ZMYM2: variants seen among roughly 807,000 people sequenced by gnomAD.
The protein encoded by ZMYM2 is zinc finger MYM-type containing 2.
In ZMYM2, 56 loss-of-function variants were observed where a neutral mutation model predicts 162.8. The observed-to-expected ratio is 0.34, with a 90% CI of 0.28 to 0.43. ZMYM2 has a LOEUF of 0.43. ZMYM2 is among the 20% of genes least tolerant of loss of function. The pLI is 1.00. For missense variants in ZMYM2, 1,275 were observed against 1,621.8 expected (o/e 0.79, Z 3.67); for synonymous variants, 510 against 541.6 (o/e 0.94, Z 0.81).
chr13:19,912,865 G>A, the ZMYM2 span, among the ~76,000 whole-genome samples: 1 of 152,158 alleles, frequency 6.6e-6, no homozygotes, highest in Non-Finnish European at 1.5e-5. Context: ...TCTCTTCTAA[G>A]GTGAAGGATA....
chr13:19,953,228 C>G, the ZMYM2 span, among the ~76,000 whole-genome samples: 67 of 152,280 alleles, frequency 4.4e-4, no homozygotes, highest in African/African-American at 1.6e-3. Flanking sequence ...AGTCACAAAG[C>G]TAACAAGTAG....
At chr13:19,954,126 A>ATTTTTTTTTTTT (rs781288600), upstream of ZMYM2, among the ~76,000 whole-genome samples, 19 of 64,878 alleles carry the variant, frequency 2.9e-4, 5 homozygotes, top group Non-Finnish European at 4.7e-4. Flanking sequence ...GCTATGTTTA[A>ATTTTTTTTTTTT]TTTTTTTTTT....
At chr13:20,073,653 T>C (rs1179472334) in intron 21 of ZMYM2, among the ~76,000 whole-genome samples, 3 of 152,228 alleles carry the variant, frequency 2.0e-5, no homozygotes, top group Admixed American at 6.5e-5. Context: ...CGAATTTTTA[T>C]ATGTTGTGTT....
At chr13:19,885,854 A>AT in the ZMYM2 span, among the ~76,000 whole-genome samples, 44 of 40,254 alleles carry the variant, frequency 1.1e-3, 1 homozygote, top group East Asian at 0.044. Flanking sequence ...TCTCAAAAAA[A>AT]AAAAAAAAAT....
At chr13:19,885,947 A>ATACACATATATGTGTG in the ZMYM2 span, among the ~76,000 whole-genome samples, 38 of 20,868 alleles carry the variant, frequency 1.8e-3, 8 homozygotes, top group African/African-American at 4.2e-3. Context: ...ATATATATGT[A>ATACACATATATGTGTG]TATACACATA....
the ZMYM2 span, among the ~76,000 whole-genome samples, chr13:19,919,839 C>T: frequency 1.3e-5 from 2 of 151,838 alleles, no homozygotes; most frequent in South Asian, 2.1e-4. Context: ...CACACCTGGC[C>T]GATTTTTGTA....
rs367780861 is a variant in ZMYM2 at position 19,993,137 on chromosome 13, C to T, written c.65C>T (p.Thr22Met). The change falls in exon 3 of 25, where the codon ACG (threonine) becomes ATG (methionine). Residue 22 changes from threonine (T) to methionine (M), a missense_variant. Coordinates refer to ENST00000610343, the MANE Select transcript of ZMYM2 (RefSeq NM_197968.4). ...CAGACTCCTGTTTTATTAGGGAGTACGGCCATGGCAACTAGTCTCACGAAT... is the reference window on the plus strand; with the variant it reads ...CAGACTCCTGTTTTATTAGGGAGTATGGCCATGGCAACTAGTCTCACGAAT... ...TDQTPVLLGS[T>M]AMATSLTNVG... 5.2e-5 allele frequency: 84 copies of T among 1,613,878 alleles called. No homozygotes were observed. Among genetic ancestry groups the T allele is most frequent in the Non-Finnish European group, 6.6e-5 (78 of 1,179,974 alleles).
chr13:20,067,145 T>G, intron 20 of ZMYM2, 94 bp from the exon 21 acceptor site: 1 of 1,387,104 alleles, frequency 7.2e-7, no homozygotes, highest in Non-Finnish European at 9.6e-7. Context: ...TTTATTTTAC[T>G]TCAGAGCTCT....
At chr13:19,921,879 C>T in the ZMYM2 span, among the ~76,000 whole-genome samples, 11 of 151,658 alleles carry the variant, frequency 7.3e-5, no homozygotes, top group African/African-American at 1.2e-4. Flanking sequence ...AAGTTGCTTT[C>T]GACACACACG....
the ZMYM2 span, among the ~76,000 whole-genome samples, chr13:19,885,577 C>T: frequency 1.6e-4 from 24 of 152,180 alleles, no homozygotes; most frequent in Middle Eastern, 3.4e-3. Context: ...CAGTGGCTCA[C>T]GCCTATAATC....
At chr13:20,078,534 T>G (rs1281846810) in intron 21 of ZMYM2, among the ~76,000 whole-genome samples, 4 of 152,206 alleles carry the variant, frequency 2.6e-5, no homozygotes, top group African/African-American at 7.2e-5. Flanking sequence ...TACATGCTTT[T>G]CAACTCTCTG....
the ZMYM2 span, among the ~76,000 whole-genome samples, chr13:19,903,035 A>G: frequency 6.6e-6 from 1 of 151,978 alleles, no homozygotes; most frequent in Admixed American, 6.6e-5. Flanking sequence ...GCACGCCTGT[A>G]ATTCCAGCTA....
the ZMYM2 span, among the ~76,000 whole-genome samples, chr13:19,931,781 AC>A: frequency 6.6e-6 from 1 of 152,096 alleles, no homozygotes; most frequent in Non-Finnish European, 1.5e-5. Flanking sequence ...ACGCCAAAAT[AC>A]CTGGCTAATT....
chr13:19,924,226 T>C, the ZMYM2 span, among the ~76,000 whole-genome samples: 5 of 152,322 alleles, frequency 3.3e-5, no homozygotes, highest in East Asian at 1.9e-4. Flanking sequence ...TCTCTTTCTA[T>C]GAATTTGACT....
chr13:19,976,605 C>A (rs1212151110), intron 2 of ZMYM2, among the ~76,000 whole-genome samples: 1 of 152,154 alleles, frequency 6.6e-6, no homozygotes, highest in Non-Finnish European at 1.5e-5. Flanking sequence ...CACCATTTTA[C>A]TTTCTGTTTA....
the ZMYM2 span, among the ~76,000 whole-genome samples, chr13:19,866,826 C>G: frequency 6.6e-6 from 1 of 151,636 alleles, no homozygotes; most frequent in African/African-American, 2.4e-5. Flanking sequence ...CCCAGGAGGT[C>G]AAAGCTGCAG....
At chr13:20,032,287 G>A (rs761268482) in intron 10 of ZMYM2, among the ~76,000 whole-genome samples, 26 of 151,924 alleles carry the variant, frequency 1.7e-4, no homozygotes, top group Non-Finnish European at 3.4e-4. Flanking sequence ...TAGCAATAAC[G>A]CTGATGATTG....
intron 7 of ZMYM2, among the ~76,000 whole-genome samples, chr13:20,021,390 A>G (rs1952090312): frequency 7.9e-6 from 1 of 126,882 alleles, no homozygotes; most frequent in African/African-American, 2.9e-5. Context: ...TTTTGACAAA[A>G]TGCCTGTCAT....
chr13:19,971,885 A>T (rs1194867303), intron 2 of ZMYM2, among the ~76,000 whole-genome samples: 1 of 152,116 alleles, frequency 6.6e-6, no homozygotes, highest in Non-Finnish European at 1.5e-5. Context: ...AAAAAACTAG[A>T]TGTAGAGAGT....
Sources: gnomAD v4.1 joint callset for allele counts (sites outside exome capture counted in the v4.1 genomes callset) on GRCh38, gnomAD v4.1.1 for gene constraint, MANE v1.5 for transcripts, NCBI Gene and HGNC (gene_info 2026-07-23, HGNC 2026-07-21) for gene names.